MED27: variants seen among roughly 807,000 people sequenced by gnomAD.
MED27 encodes the protein mediator complex subunit 27.
In MED27, 30 loss-of-function variants were observed where a neutral mutation model predicts 38.2. That is an observed-to-expected ratio of 0.79 (90% CI 0.59 to 1.07). The LOEUF is 1.07. MED27 is among the 50% of genes least tolerant of loss of function. MED27 has a pLI of 0.00. For missense variants in MED27, 289 were observed against 397.5 expected (o/e 0.73, Z 2.32); for synonymous variants, 122 against 153.5 (o/e 0.79, Z 1.52).
chr9:132,059,585 C>T (rs1178349537), intron 2 of MED27, among the ~76,000 whole-genome samples: 5 of 152,068 alleles, frequency 3.3e-5, no homozygotes, highest in Non-Finnish European at 7.4e-5. Context: ...AGGGGCGGGC[C>T]GAGGGAGGGC....
intron 3 of MED27, among the ~76,000 whole-genome samples, chr9:131,991,272 T>G (rs940615822): frequency 5.9e-5 from 9 of 152,232 alleles, no homozygotes; most frequent in Admixed American, 3.3e-4. Context: ...TGCTCAGAAC[T>G]TAATTTTAAA....
At chr9:132,006,071 T>C (rs1407887204) in intron 3 of MED27, among the ~76,000 whole-genome samples, 1 of 152,234 alleles carries the variant, frequency 6.6e-6, no homozygotes, top group Non-Finnish European at 1.5e-5. Flanking sequence ...ATACTGTTAC[T>C]TAATACTTGC....
At chr9:131,934,334 G>GA (rs1417118166) in intron 4 of MED27, among the ~76,000 whole-genome samples, 2 of 152,126 alleles carry the variant, frequency 1.3e-5, no homozygotes, top group South Asian at 4.2e-4. Context: ...ACAAAGTGAA[G>GA]AGACAGTCCA....
At chr9:132,017,897 G>C (rs1406968792) in intron 2 of MED27, among the ~76,000 whole-genome samples, 1 of 152,134 alleles carries the variant, frequency 6.6e-6, no homozygotes, top group African/African-American at 2.4e-5. Flanking sequence ...TTAAAATTAG[G>C]AAAACTTTGA....
chr9:131,992,148 T>C (rs2131043260), intron 3 of MED27, among the ~76,000 whole-genome samples: 1 of 152,308 alleles, frequency 6.6e-6, no homozygotes, highest in South Asian at 2.1e-4. Context: ...AAGAAAACAA[T>C]GTCCTTCCAC....
At chr9:132,047,511 A>C (rs1009968513) in intron 2 of MED27, among the ~76,000 whole-genome samples, 2 of 151,688 alleles carry the variant, frequency 1.3e-5, no homozygotes, top group African/African-American at 4.8e-5. Flanking sequence ...AGTGGTTCAA[A>C]TGGTGACCTA....
chr9:132,014,746 T>C (rs1832566035), intron 2 of MED27, among the ~76,000 whole-genome samples: 1 of 152,178 alleles, frequency 6.6e-6, no homozygotes, highest in Non-Finnish European at 1.5e-5. Flanking sequence ...TGAAATTGAT[T>C]AAAATAGAGA....
At chr9:132,049,651 T>C (rs145740963) in intron 2 of MED27, among the ~76,000 whole-genome samples, 4 of 152,236 alleles carry the variant, frequency 2.6e-5, no homozygotes, top group Non-Finnish European at 4.4e-5. Context: ...CAGAGCATCA[T>C]AGAGAACTTG....
At chr9:131,910,945 A>T (rs1015834719) in intron 4 of MED27, among the ~76,000 whole-genome samples, 4 of 151,886 alleles carry the variant, frequency 2.6e-5, no homozygotes, top group Non-Finnish European at 5.9e-5. Context: ...CTCATCTGCC[A>T]CTAGTATTAA....
intron 6 of MED27, among the ~76,000 whole-genome samples, chr9:131,874,503 T>C (rs111452425): frequency 0.025 from 3,853 of 151,564 alleles, 66 homozygotes; most frequent in Middle Eastern, 0.054. Context: ...CAGGAGTGTA[T>C]GTATTGATTT....
At chr9:131,920,393 C>A (rs1284735365) in intron 4 of MED27, among the ~76,000 whole-genome samples, 1 of 152,180 alleles carries the variant, frequency 6.6e-6, no homozygotes, top group Non-Finnish European at 1.5e-5. Context: ...ATTTAATTTT[C>A]ATCTCTTTAC....
intron 3 of MED27, among the ~76,000 whole-genome samples, chr9:131,986,168 T>C (rs558677231): frequency 3.3e-5 from 5 of 152,176 alleles, no homozygotes; most frequent in East Asian, 1.9e-4. Flanking sequence ...AAAAATGTTC[T>C]TACAGATTTA....
chr9:131,936,797 T>C (rs1345929197), intron 4 of MED27, among the ~76,000 whole-genome samples: 1 of 152,026 alleles, frequency 6.6e-6, no homozygotes, highest in Non-Finnish European at 1.5e-5. Context: ...TCAATCAGAG[T>C]TTCTGTTGAC....
chr9:131,873,361 G>A (rs1342034890), intron 6 of MED27, among the ~76,000 whole-genome samples: 1 of 152,208 alleles, frequency 6.6e-6, no homozygotes, highest in Non-Finnish European at 1.5e-5. Flanking sequence ...GGAATGCTAT[G>A]AAGTCAGCCC....
intron 4 of MED27, among the ~76,000 whole-genome samples, chr9:131,936,072 G>T (rs955797040): frequency 6.0e-5 from 9 of 150,376 alleles, no homozygotes; most frequent in African/African-American, 2.0e-4. Flanking sequence ...GGCTGAGGCT[G>T]CAATGAGCTG....
intron 3 of MED27, among the ~76,000 whole-genome samples, chr9:132,011,281 GAA>G (rs72102300): frequency 0.13 from 19,978 of 151,996 alleles, 1,687 homozygotes; most frequent in Non-Finnish European, 0.19. Flanking sequence ...CATATGCACA[GAA>G]AAAGTCTAGA....
At chr9:131,953,996 G>T (rs1194781032) in intron 3 of MED27, among the ~76,000 whole-genome samples, 1 of 151,920 alleles carries the variant, frequency 6.6e-6, no homozygotes, top group Non-Finnish European at 1.5e-5. Context: ...TTTTGACAGG[G>T]TTTCGCCATG....
chr9:131,985,692 T>C (rs1831834236), intron 3 of MED27, among the ~76,000 whole-genome samples: 4 of 151,252 alleles, frequency 2.6e-5, no homozygotes, highest in East Asian at 1.9e-4. Flanking sequence ...ACTATAATTT[T>C]AATTGTTTTT....
intron 4 of MED27, among the ~76,000 whole-genome samples, chr9:131,922,975 A>ATTTTCC (rs1830424435): frequency 6.6e-6 from 1 of 152,112 alleles, no homozygotes; most frequent in African/African-American, 2.4e-5. Flanking sequence ...GCACAGCAAG[A>ATTTTCC]TGCTCTAGGC....
Sources: allele counts gnomAD v4.1 joint callset (sites outside exome capture counted in the v4.1 genomes callset), GRCh38; gene constraint gnomAD v4.1.1; transcripts MANE v1.5; gene names NCBI Gene and HGNC (gene_info 2026-07-23, HGNC 2026-07-21).